Variants in CDH13 observed in about 807,000 individuals in gnomAD.
CDH13 encodes cadherin-13.
In CDH13, 24 loss-of-function variants were observed where a neutral mutation model predicts 63.8. The ratio of observed to expected loss-of-function variants is 0.38; its 90% CI spans 0.27 to 0.53. The LOEUF (loss-of-function observed/expected upper bound fraction) is 0.53. CDH13 is among the 20% of genes least tolerant of loss of function. The pLI is 0.85. For synonymous variants in CDH13, 503 were observed against 355.3 expected (o/e 1.42, Z -4.67); for missense variants, 1,049 against 903.1 (o/e 1.16, Z -2.07).
At chr16:82,767,970 G>T (rs1253624604) in intron 1 of CDH13, among the ~76,000 whole-genome samples, 2 of 152,152 alleles carry the variant, frequency 1.3e-5, no homozygotes, top group Non-Finnish European at 2.9e-5. Context: ...GAGAAACGAA[G>T]AGTGAGGAGT....
At chr16:83,573,618 G>T (rs1904845155) in intron 7 of CDH13, among the ~76,000 whole-genome samples, 2 of 152,218 alleles carry the variant, frequency 1.3e-5, no homozygotes, top group South Asian at 4.2e-4. Context: ...GATACAATTT[G>T]CCATATAAAC....
chr16:82,627,034 T>A lies in CDH13; in HGVS notation c.-59T>A. ...CAAAGCCTGGCTCCCACGGAAAATA[T>A]GCTCAGTGCAGCCGCGTGCATGAAT... On this transcript the variant is annotated 5_prime_UTR_variant, in exon 1 of 14. The change abolishes an upstream ATG in the 5' untranslated region. Transcript: ENST00000567109. 1 of 1,557,516 alleles carries A rather than the reference T, an allele frequency of 6.4e-7. No homozygotes were observed. Among genetic ancestry groups the A allele is most frequent in the Non-Finnish European group, 8.7e-7 (1 of 1,149,446 alleles).
chr16:83,578,157 G>A (rs189435251), intron 7 of CDH13, among the ~76,000 whole-genome samples: 10 of 152,326 alleles, frequency 6.6e-5, no homozygotes, highest in East Asian at 3.9e-4. Flanking sequence ...TCTGCTCAGA[G>A]TATTATGAGT....
chr16:83,217,231 G>C (rs2039562996), intron 4 of CDH13, 114 bp from the exon 5 acceptor site: 2 of 968,936 alleles, frequency 2.1e-6, no homozygotes, highest in Admixed American at 3.8e-5. Flanking sequence ...GTGTTCACCA[G>C]GTACCCATGT....
chr16:82,962,930 A>G (rs546705756), intron 2 of CDH13, among the ~76,000 whole-genome samples: 12 of 152,370 alleles, frequency 7.9e-5, no homozygotes, highest in East Asian at 3.9e-4. Flanking sequence ...GAAATGATAT[A>G]TAAGCAAAAT....
chr16:82,930,286 T>C (rs935995950), intron 2 of CDH13, among the ~76,000 whole-genome samples: 6 of 152,160 alleles, frequency 3.9e-5, no homozygotes, highest in African/African-American at 1.4e-4. Flanking sequence ...CTGTTCTTTA[T>C]GTAAATGGAA....
At chr16:82,837,397 G>C (rs1051496844) in intron 1 of CDH13, among the ~76,000 whole-genome samples, 1 of 152,076 alleles carries the variant, frequency 6.6e-6, no homozygotes, top group Non-Finnish European at 1.5e-5. Flanking sequence ...ATTTATGTCA[G>C]AGGTCCCCAA....
At chr16:83,677,241 T>C (rs1346939123) in intron 9 of CDH13, among the ~76,000 whole-genome samples, 1 of 152,160 alleles carries the variant, frequency 6.6e-6, no homozygotes, top group Admixed American at 6.5e-5. Flanking sequence ...GCCATTGTAT[T>C]ACCAATGTTT....
intron 8 of CDH13, among the ~76,000 whole-genome samples, chr16:83,664,702 T>C (rs1913771119): frequency 6.6e-6 from 1 of 152,118 alleles, no homozygotes; most frequent in Admixed American, 6.5e-5. Flanking sequence ...TTTCTGCAGA[T>C]GGATATCCAA....
chr16:82,805,993 A>G (rs755970402), intron 1 of CDH13, among the ~76,000 whole-genome samples: 2 of 152,096 alleles, frequency 1.3e-5, no homozygotes, highest in African/African-American at 4.8e-5. Context: ...CTAGGTTTCT[A>G]TCTAATTTTC....
chr16:82,809,765 C>T (rs2037348573), intron 1 of CDH13, among the ~76,000 whole-genome samples: 1 of 152,096 alleles, frequency 6.6e-6, no homozygotes, highest in Non-Finnish European at 1.5e-5. Context: ...ATTTTCAAGA[C>T]CCGTTTTCTG....
At chr16:83,584,735 G>T (rs1307446841) in intron 7 of CDH13, among the ~76,000 whole-genome samples, 1 of 152,096 alleles carries the variant, frequency 6.6e-6, no homozygotes, top group African/African-American at 2.4e-5. Flanking sequence ...CCTGAGACTG[G>T]GTAATTTATA....
At chr16:82,893,910 T>C (rs1364410612) in intron 2 of CDH13, among the ~76,000 whole-genome samples, 1 of 152,160 alleles carries the variant, frequency 6.6e-6, no homozygotes. Context: ...CCGTCCTCAC[T>C]CCCAATACCA....
intron 2 of CDH13, among the ~76,000 whole-genome samples, chr16:82,978,370 G>A (rs934887465): frequency 1.6e-4 from 25 of 152,242 alleles, no homozygotes; most frequent in African/African-American, 5.3e-4. Context: ...TAATCACCAA[G>A]ACAACAGGGA....
At chr16:83,084,876 A>T (rs1311923020) in intron 3 of CDH13, among the ~76,000 whole-genome samples, 3 of 152,238 alleles carry the variant, frequency 2.0e-5, no homozygotes, top group Non-Finnish European at 4.4e-5. Context: ...CAATAAGCAC[A>T]AAACTTCATC....
At chr16:83,104,871 G>C (rs923001047) in intron 3 of CDH13, among the ~76,000 whole-genome samples, 1 of 152,176 alleles carries the variant, frequency 6.6e-6, no homozygotes, top group Non-Finnish European at 1.5e-5. Flanking sequence ...TCTGAAAAAT[G>C]GACCAAATCG....
chr16:83,031,336 TG>T (rs1916309612), intron 2 of CDH13, among the ~76,000 whole-genome samples: 2 of 143,582 alleles, frequency 1.4e-5, no homozygotes, highest in African/African-American at 5.1e-5. Flanking sequence ...TATATGTATA[TG>T]TATACACGTA....
intron 1 of CDH13, among the ~76,000 whole-genome samples, chr16:82,628,032 C>A (rs1907558482): frequency 6.6e-6 from 1 of 152,240 alleles, no homozygotes; most frequent in South Asian, 2.1e-4. Context: ...GAGATGCGGT[C>A]CGCCTGCAGT....
intron 5 of CDH13, among the ~76,000 whole-genome samples, chr16:83,263,206 T>C (rs1174470233): frequency 3.3e-5 from 5 of 152,242 alleles, no homozygotes. Flanking sequence ...ACAGGTGTTT[T>C]CATAAGTTCT....
Sources: allele counts gnomAD v4.1 joint callset (sites outside exome capture counted in the v4.1 genomes callset), GRCh38; gene constraint gnomAD v4.1.1; transcripts MANE v1.5; gene names NCBI Gene and HGNC (gene_info 2026-07-23, HGNC 2026-07-21).